Variants in NFE2L3 observed in about 807,000 individuals in gnomAD.
The protein encoded by NFE2L3 is nuclear factor erythroid 2-related factor 3.
In NFE2L3, 18 loss-of-function variants were observed where a neutral mutation model predicts 23.5. The ratio of observed to expected loss-of-function variants is 0.77; its 90% CI spans 0.53 to 1.13. NFE2L3 has a LOEUF of 1.13. Among genes scored for constraint, NFE2L3 ranks in the 50% most tolerant of loss-of-function variants. The probability of loss-of-function intolerance (pLI) is 0.00; values close to 1 mark genes in which losing one functional copy is unlikely to be tolerated. For missense variants in NFE2L3, 1,152 were observed against 877.2 expected (o/e 1.31, Z -3.96); for synonymous variants, 424 against 354.5 (o/e 1.20, Z -2.20).
intron 3 of NFE2L3, 34 bp downstream of exon 3, chr7:26,183,818 A>G: frequency 1.5e-6 from 2 of 1,321,838 alleles, no homozygotes; most frequent in Non-Finnish European, 1.1e-6. Context: ...CCTCGCAGGA[A>G]CATATCTGCA....
At position 26,152,878 on chromosome 7, in the gene NFE2L3, T is replaced by C. The variant is rs1784019445; in HGVS notation, c.380T>C (p.Leu127Pro). The C allele has an allele frequency of 4.1e-6, 6 of 1,458,372 alleles. No homozygotes were observed. Among genetic ancestry groups the C allele is most frequent in the Non-Finnish European group, 5.4e-6 (6 of 1,114,752 alleles). The allele number at this position is 1,458,372 out of a possible 1,614,324, so 90.3% of individuals were successfully genotyped here. A position where few individuals can be genotyped will look rare whatever the true frequency, so the allele number is the denominator to read the frequency against. ...GGGAGCGCGGACGAGGCCCACGGGC[T>C]GCTCGGCGCCGCCGCCGCCTCGTCC... The part of the protein sequence containing the change: ...AAGSADEAHG[L>P]LGAAAASSTG... Residue 127 changes from leucine (L) to proline (P), a missense_variant, in exon 1 of 4, where the codon CTG becomes CCG. Leu to Pro is a moderately conservative substitution (Grantham distance 98). Transcript: ENST00000056233. The surrounding 1 kb of genome is among the most constrained non-coding windows in gnomAD (Gnocchi z 4.4).
intron 1 of NFE2L3, among the ~76,000 whole-genome samples, chr7:26,165,308 G>C (rs1369810590): frequency 2.6e-5 from 4 of 152,050 alleles, no homozygotes; most frequent in Non-Finnish European, 5.9e-5. Flanking sequence ...ATTTGTTTGT[G>C]TCCTCTTTTA....
chr7:26,177,514 G>A (rs886555945), intron 1 of NFE2L3, among the ~76,000 whole-genome samples: 1 of 152,130 alleles, frequency 6.6e-6, no homozygotes, highest in African/African-American at 2.4e-5. Flanking sequence ...GGACAATCAC[G>A]GGAGCCCGAG....
intron 1 of NFE2L3, among the ~76,000 whole-genome samples, chr7:26,170,856 T>C (rs1784320905): frequency 1.3e-5 from 2 of 152,188 alleles, no homozygotes; most frequent in South Asian, 4.1e-4. Flanking sequence ...CCTAGAAGTT[T>C]TGAAACCAGC....
chr7:26,158,950 G>C (rs1407444619), intron 1 of NFE2L3, among the ~76,000 whole-genome samples: 1 of 152,250 alleles, frequency 6.6e-6, no homozygotes, highest in African/African-American at 2.4e-5. Context: ...GATAGTGCAA[G>C]TTGAGCAGGG....
Position 26,185,588 on chromosome 7 carries a change from T to C in NFE2L3, c.1890T>C (p.Ala630=), listed in dbSNP as rs1305183637. The change falls in exon 4 of 4, where the codon GCT becomes GCC. Residue 630 remains alanine, a synonymous_variant. Coordinates refer to ENST00000056233, the MANE Select transcript of NFE2L3 (RefSeq NM_004289.7). The stretch of plus-strand genomic sequence containing the variant: ...GAGAGCAAGCACAATGTAACAAAGC[T>C]ATTAACATAATGAAACAGAAACTGC... The part of the protein sequence containing the change: ...LKREQAQCNK[A]INIMKQKLHD... The C allele has an allele frequency of 1.2e-6, 2 of 1,613,820 alleles. No homozygotes were observed. The highest frequency in any genetic ancestry group is 1.7e-5 in the Admixed American group (1 of 59,992).
At position 26,185,777 on chromosome 7, in the gene NFE2L3, A is replaced by C; in HGVS notation, c.2079A>C (p.Arg693Ser). The stretch of plus-strand genomic sequence containing the variant: ...AAAAGGAAACCCAAAAGGGAAAGAG[A>C]AAGTGAGAAGAAACTGAAGATGGAC... The part of the protein sequence containing the change: ...GHKKETQKGK[R>S]K The change falls in exon 4 of 4, where the codon AGA becomes AGC. Residue 693 changes from arginine to serine, a missense_variant. Arg to Ser is a moderately radical substitution (Grantham distance 110). Coordinates refer to ENST00000056233, the MANE Select transcript of NFE2L3 (RefSeq NM_004289.7). 1 of 1,578,460 alleles carries C rather than the reference A, an allele frequency of 6.3e-7. No individual in the cohort carries two copies. Among genetic ancestry groups the C allele is most frequent in the Non-Finnish European group, 8.5e-7 (1 of 1,170,634 alleles).
In NFE2L3 at chr7:26,152,670, G is replaced by T. The variant is rs1418120606; in HGVS notation, c.172G>T (p.Ala58Ser). The change falls in exon 1 of 4, where the codon GCG (alanine) becomes TCG (serine). Residue 58 changes from alanine to serine, a missense_variant. Physicochemically the swap from Ala to Ser is moderately conservative, Grantham distance 99 (BLOSUM62 1). Coordinates refer to ENST00000056233, the MANE Select transcript of NFE2L3 (RefSeq NM_004289.7). This position sits in a 1 kb window ranked among gnomAD's most constrained non-coding sequence, Gnocchi z 4.4. ...GGGCGGCCCGGCCAGCTCCGCCTAC[G>T]CGCTCAGCCCCTTCTCGGCCTCGGG... The part of the protein sequence containing the change: ...FLGGPASSAY[A>S]LSPFSASGGW... 6.7e-7 allele frequency: 1 copy of T among 1,489,448 alleles called. No homozygotes were observed. The highest frequency in any genetic ancestry group is 2.8e-5 in the East Asian group (1 of 35,164). The allele number at this position is 1,489,448 out of a possible 1,614,324, so 92.3% of individuals were successfully genotyped here.
intron 3 of NFE2L3, 98 bp downstream of exon 3, chr7:26,183,882 A>C: frequency 1.3e-6 from 1 of 779,270 alleles, no homozygotes; most frequent in South Asian, 1.5e-5. Flanking sequence ...ACAGCAGTTT[A>C]AAGTAATGCT....
chr7:26,160,050 C>T (rs1784144136), intron 1 of NFE2L3, among the ~76,000 whole-genome samples: 1 of 149,570 alleles, frequency 6.7e-6, no homozygotes, highest in East Asian at 2.0e-4. Context: ...ACCTTCTGGG[C>T]ACAAGCCATC....
chr7:26,182,243 A>G (rs1284314853), intron 2 of NFE2L3, among the ~76,000 whole-genome samples: 2 of 152,074 alleles, frequency 1.3e-5, no homozygotes, highest in East Asian at 3.8e-4. Flanking sequence ...ACCAGTAGTA[A>G]TAAATGCCAT....
intron 1 of NFE2L3, among the ~76,000 whole-genome samples, chr7:26,159,015 C>T (rs1281634664): frequency 6.6e-6 from 1 of 152,222 alleles, no homozygotes; most frequent in African/African-American, 2.4e-5. Context: ...CCCCAATTTA[C>T]TCCCGTCCAT....
At chr7:26,183,607 AAAT>A (rs1782388239) in intron 2 of NFE2L3, 91 bp from the exon 3 acceptor site, 5 of 758,342 alleles carry the variant, frequency 6.6e-6, no homozygotes, top group Non-Finnish European at 6.9e-6. Flanking sequence ...TCCAGTGTGG[AAAT>A]AATACCTGGT....
intron 1 of NFE2L3, among the ~76,000 whole-genome samples, chr7:26,158,150 G>T (rs1319553791): frequency 6.6e-6 from 1 of 152,104 alleles, no homozygotes; most frequent in African/African-American, 2.4e-5. Flanking sequence ...CCAGGATCGA[G>T]CGATTCTCCT....
intron 2 of NFE2L3, among the ~76,000 whole-genome samples, chr7:26,182,507 C>T (rs1439541510): frequency 6.6e-6 from 1 of 151,424 alleles, no homozygotes; most frequent in African/African-American, 2.5e-5. Context: ...GCCTGTAGTC[C>T]CAGCTATTCG....
At chr7:26,166,039 C>T (rs1583929580) in intron 1 of NFE2L3, among the ~76,000 whole-genome samples, 1 of 151,208 alleles carries the variant, frequency 6.6e-6, no homozygotes, top group African/African-American at 2.4e-5. Context: ...AAGTAGTATT[C>T]AAGCAGACAG....
intron 1 of NFE2L3, among the ~76,000 whole-genome samples, chr7:26,159,497 C>G (rs1400687834): frequency 1.3e-5 from 2 of 152,132 alleles, no homozygotes; most frequent in Non-Finnish European, 2.9e-5. Context: ...GAAATAGCAC[C>G]CAGGGACAGG....
chr7:26,159,949 CTTTTTTT>C (rs59484170), intron 1 of NFE2L3, among the ~76,000 whole-genome samples: 1 of 118,476 alleles, frequency 8.4e-6, no homozygotes, highest in Non-Finnish European at 1.8e-5. Flanking sequence ...AATCTTGTTG[CTTTTTTT>C]TTTTTTTTTT....
At chr7:26,171,607 C>T (rs1311627999) in intron 1 of NFE2L3, among the ~76,000 whole-genome samples, 2 of 151,860 alleles carry the variant, frequency 1.3e-5, no homozygotes, top group Non-Finnish European at 2.9e-5. Flanking sequence ...ATGAGTATAC[C>T]ATTCGGATAT....
Sources: allele counts gnomAD v4.1 joint callset (sites outside exome capture counted in the v4.1 genomes callset), GRCh38; gene constraint gnomAD v4.1.1; non-coding constraint Gnocchi (gnomAD v3.1); transcripts MANE v1.5; gene names NCBI Gene and HGNC (gene_info 2026-07-23, HGNC 2026-07-21).